USP39: variants seen among roughly 807,000 people sequenced by gnomAD.
USP39 encodes the protein ubiquitin carboxyl-terminal hydrolase 39.
A neutral mutation model predicts 66.4 loss-of-function variants in USP39; 38 were observed. That is an observed-to-expected ratio of 0.57 (90% CI 0.44 to 0.75). The LOEUF (loss-of-function observed/expected upper bound fraction) is 0.75. Among genes scored for constraint, USP39 ranks in the 30% least tolerant of loss-of-function variants. USP39 has a pLI of 0.00. For missense variants in USP39, 608 were observed against 714.4 expected (o/e 0.85, Z 1.70); for synonymous variants, 303 against 274.6 (o/e 1.10, Z -1.02).
chr2:85,634,812 A>G (rs1180216386), intron 6 of USP39, among the ~76,000 whole-genome samples: 1 of 152,220 alleles, frequency 6.6e-6, no homozygotes, highest in Admixed American at 6.5e-5. Context: ...GATGAGTGTC[A>G]GCATTCACTG....
At chr2:85,615,034 G>A (rs1299745645), upstream of USP39, among the ~76,000 whole-genome samples, 2 of 148,364 alleles carry the variant, frequency 1.3e-5, no homozygotes, top group African/African-American at 4.9e-5. Flanking sequence ...GGTGTGGTGT[G>A]GGTATGACAG....
At chr2:85,636,884 C>T (rs982173108) in intron 7 of USP39, among the ~76,000 whole-genome samples, 3 of 152,174 alleles carry the variant, frequency 2.0e-5, no homozygotes, top group African/African-American at 7.2e-5. Context: ...CTCTAACTTG[C>T]GTCTTGGCAG....
At chr2:85,630,556 G>T (rs1573420373) in intron 5 of USP39, among the ~76,000 whole-genome samples, 165 bp from the exon 6 acceptor site, 2 of 152,164 alleles carry the variant, frequency 1.3e-5, no homozygotes, top group African/African-American at 4.8e-5. Context: ...TGATATTTCT[G>T]TGATGTGAGC....
At position 85,640,970 on chromosome 2, in the gene USP39, C is replaced by G; in HGVS notation, c.1285-6C>G. On this transcript the variant is annotated splice_region_variant and splice_polypyrimidine_tract_variant and intron_variant, in intron 9 of 12. Coordinates refer to ENST00000323701, the MANE Select transcript of USP39 (RefSeq NM_006590.4). ...CTAATTTGAGAATTTTCTTTTCTTT[C>G]TCTAGGAATATAAGACTTACAAGGA... 1 of 1,597,516 alleles carries G rather than the reference C, an allele frequency of 6.3e-7. No individual in the cohort carries two copies. The highest frequency in any genetic ancestry group is 2.2e-5 in the East Asian group (1 of 44,744).
In USP39 at chr2:85,605,281, T is replaced by TA. The variant is rs916623241; in HGVS notation, n.226+2208dup. ...CTGTAAAAATCGTAAGTTTATTTGT[T>TA]AAAAAAAATACTGTATTTGAAAAGT... is the stretch of plus-strand genomic sequence containing the variant. On this transcript the variant is annotated intron_variant and non_coding_transcript_variant, in intron 1 of 12. Transcript: ENST00000459775. 8.5e-5 allele frequency among the ~76,000 whole-genome samples: 13 copies of TA among 152,180 alleles called. 1 individual carries two copies. Among genetic ancestry groups the TA allele is most frequent in the African/African-American group, 9.6e-5 (4 of 41,512 alleles).
chr2:85,644,985 C>T lies in USP39; in HGVS notation c.1465C>T (p.Gln489Ter). The T allele has an allele frequency of 3.7e-6, 6 of 1,614,090 alleles. No homozygotes were observed. Among genetic ancestry groups the T allele is most frequent in the Non-Finnish European group, 5.1e-6 (6 of 1,180,018 alleles). The change falls in exon 11 of 13, where the codon CAA becomes TAA. Residue 489 changes from glutamine (Q) to a stop codon, truncating the protein, a stop_gained. Transcript: ENST00000323701. LOFTEE classifies it high-confidence loss of function. ...DLREYLSEEV[Q>*]AVHKNTTYDL... ...GAGAGAATACTTGTCTGAAGAAGTA[C>T]AAGCAGTACACAAGAATACCACCTA...
chr2:85,627,767 G>T (rs530894330), intron 5 of USP39, among the ~76,000 whole-genome samples: 1 of 152,232 alleles, frequency 6.6e-6, no homozygotes, highest in East Asian at 1.9e-4. Context: ...TTTGAAAAGT[G>T]CAGGCATTAC....
chr2:85,639,426 ACC>A, intron 9 of USP39, 35 bp downstream of exon 9: 1 of 1,494,286 alleles, frequency 6.7e-7, no homozygotes, highest in Non-Finnish European at 9.0e-7. Context: ...GCCTATACTT[ACC>A]CTCGCTCTCT....
chr2:85,645,960 A>G (rs1676610677), intron 11 of USP39: 1 of 152,212 alleles, frequency 6.6e-6, no homozygotes, highest in African/African-American at 2.4e-5. Flanking sequence ...AGACCCTGAT[A>G]TGCAGCCAAG....
In USP39 at chr2:85,640,992, A is replaced by G. The variant is rs1676196264; in HGVS notation, c.1301A>G (p.Lys434Arg). The G allele has an allele frequency of 1.9e-6, 3 of 1,611,534 alleles. No individual in the cohort carries two copies. Among genetic ancestry groups the G allele is most frequent in the South Asian group, 1.1e-5 (1 of 90,606 alleles). ...TTTCTCTAGGAATATAAGACTTACAAGGAGAACTTTCTGAAGCGCTTCCAG... is the reference window on the plus strand; with the variant it reads ...TTTCTCTAGGAATATAAGACTTACAGGGAGAACTTTCTGAAGCGCTTCCAG... ...GITEKEYKTYKENFLKRFQLT... is the reference protein window; with the variant it reads ...GITEKEYKTYRENFLKRFQLT... The change falls in exon 10 of 13, where the codon AAG becomes AGG. Residue 434 changes from lysine to arginine, a missense_variant. Coordinates refer to ENST00000323701, the MANE Select transcript of USP39 (RefSeq NM_006590.4).
rs201984171 is a variant in USP39 at position 85,639,162 on chromosome 2, G to A, written c.1096-41G>A. 1,574 of 1,579,550 alleles carry A rather than the reference G, an allele frequency of 1.0e-3. 2 individuals carry two copies. The highest frequency in any genetic ancestry group is 5.4e-3 in the Middle Eastern group (31 of 5,702). On this transcript the variant is annotated intron_variant, in intron 8 of 12. Transcript: ENST00000323701. ...CGGTTCTGTGTTGGTTCCTATACCC[G>A]TCACACTCCTTTCCTCTCTTTTCTT...
chr2:85,646,655 T>C (rs888562827), intron 11 of USP39, among the ~76,000 whole-genome samples: 1 of 152,252 alleles, frequency 6.6e-6, no homozygotes, highest in Non-Finnish European at 1.5e-5. Context: ...GGAATATTTA[T>C]ATTCTACAAT....
chr2:85,637,455 G>T lies in USP39; in HGVS notation c.1095+19G>T, dbSNP rs143585209. The T allele has an allele frequency of 2.4e-4, 386 of 1,613,110 alleles. 1 individual carries two copies. The African/African-American group carries it at 4.5e-3, about 19-fold the overall frequency. On this transcript the variant is annotated intron_variant, in intron 8 of 12. Transcript: ENST00000323701. The stretch of plus-strand genomic sequence containing the variant: ...TGATCTGGTGAGTTAATTGAGCCTG[G>T]GTCTTGGACTGATTCATATTGCTTG...
intron 4 of USP39, among the ~76,000 whole-genome samples, chr2:85,624,502 G>A (rs1276281650): frequency 1.3e-5 from 2 of 152,016 alleles, no homozygotes; most frequent in Non-Finnish European, 2.9e-5. Context: ...TTACCATCAT[G>A]CCCAGATACA....
intron 5 of USP39, among the ~76,000 whole-genome samples, chr2:85,628,473 T>C (rs1259969902): frequency 6.6e-6 from 1 of 152,126 alleles, no homozygotes; most frequent in Non-Finnish European, 1.5e-5. Context: ...GATGGACAGA[T>C]AGAATTTGGA....
chr2:85,645,310 TC>T (rs1676559051), intron 11 of USP39: 1 of 452,568 alleles, frequency 2.2e-6, no homozygotes, highest in Admixed American at 4.0e-5. Flanking sequence ...AGGGTCTCGC[TC>T]TGTAGCCCAG....
At chr2:85,621,420 C>A in intron 2 of USP39, 65 bp from the exon 3 acceptor site, 1 of 1,413,894 alleles carries the variant, frequency 7.1e-7, no homozygotes, top group Non-Finnish European at 1.0e-6. Flanking sequence ...AGAGCCAGCA[C>A]TGCTTCATTT....
At chr2:85,639,176 C>T (rs1443017218) in intron 8 of USP39, 27 bp from the exon 9 acceptor site, 3 of 1,599,226 alleles carry the variant, frequency 1.9e-6, no homozygotes, top group Middle Eastern at 1.7e-4. Context: ...CACTCCTTTC[C>T]TCTCTTTTCT....
At chr2:85,647,660 AAAAAAAAAAAAAAC>A (rs1676748416) in intron 11 of USP39, among the ~76,000 whole-genome samples, 2 of 148,780 alleles carry the variant, frequency 1.3e-5, no homozygotes, top group African/African-American at 4.9e-5. Flanking sequence ...CCCTGTCTCA[AAAAAAAAAAAAAAC>A]AAAAAAACAA....
Sources: allele counts gnomAD v4.1 joint callset (sites outside exome capture counted in the v4.1 genomes callset), GRCh38; gene constraint gnomAD v4.1.1; transcripts MANE v1.5; gene names NCBI Gene and HGNC (gene_info 2026-07-23, HGNC 2026-07-21).